Variants in FLT3 observed in about 807,000 individuals in gnomAD.
FLT3 encodes the protein receptor-type tyrosine-protein kinase FLT3.
Under a neutral mutation model 126.6 loss-of-function variants are expected in FLT3, and 46 were observed. That is an observed-to-expected ratio of 0.36 (90% CI 0.29 to 0.46). FLT3 has a LOEUF of 0.46. Among genes scored for constraint, FLT3 ranks in the 20% least tolerant of loss-of-function variants. The pLI is 1.00. For synonymous variants in FLT3, 404 were observed against 434.4 expected, an observed-to-expected ratio of 0.93 and a Z score of 0.87; for missense variants, 1,069 against 1,190.3, an observed-to-expected ratio of 0.90 and a Z score of 1.50.
At chr13:28,013,130 T>C (rs182787941) in intron 23 of FLT3, among the ~76,000 whole-genome samples, 1 of 152,276 alleles carries the variant, frequency 6.6e-6, no homozygotes, top group Non-Finnish European at 1.5e-5. Context: ...TTTGACCTAA[T>C]TCTCTGACAA....
chr13:28,047,461 G>A (rs978256546), intron 9 of FLT3, among the ~76,000 whole-genome samples: 3 of 152,274 alleles, frequency 2.0e-5, no homozygotes, highest in African/African-American at 4.8e-5. Flanking sequence ...TGTAATCCCA[G>A]CACTTTGGGA....
chr13:28,095,909 A>G (rs1486173707), intron 1 of FLT3, among the ~76,000 whole-genome samples: 2 of 152,158 alleles, frequency 1.3e-5, no homozygotes, highest in Non-Finnish European at 2.9e-5. Context: ...TGTGGTCAAT[A>G]CCTTTGCTTA....
chr13:28,055,966 G>T (rs564248987), intron 4 of FLT3, among the ~76,000 whole-genome samples: 69 of 152,254 alleles, frequency 4.5e-4, no homozygotes, highest in African/African-American at 1.6e-3. Context: ...GAGCTTGTAG[G>T]GCTCTGGTCC....
intron 18 of FLT3, among the ~76,000 whole-genome samples, chr13:28,023,869 G>A (rs1409899087): frequency 6.6e-6 from 1 of 151,772 alleles, no homozygotes; most frequent in African/African-American, 2.4e-5. Flanking sequence ...ATCTTGGCCT[G>A]CTGCAACTGG....
chr13:28,048,331 C>G lies in FLT3; in HGVS notation c.1149G>C (p.Trp383Cys), dbSNP rs1041412646. 4 of 1,613,842 alleles carry G rather than the reference C, an allele frequency of 2.5e-6. No homozygotes were observed. In the African/African-American group the frequency reaches 4.0e-5, roughly 16 times the overall value. The change falls in exon 9 of 24, where the codon TGG becomes TGC. Residue 383 changes from tryptophan to cysteine, a missense_variant. Coordinates refer to ENST00000241453, the MANE Select transcript of FLT3 (RefSeq NM_004119.3). ...FKAYPQIRCT[W>C]TFSRKSFPCE... ...AAGGAAATGATTTTCGAGAGAAGGT[C>G]CACGTACATCTGATTTGTGGGTAGG...
In FLT3 at chr13:28,015,966, C is replaced by T. The variant is rs1330082559; in HGVS notation, c.2542-265G>A. On this transcript the variant is annotated intron_variant, in intron 20 of 23. Coordinates refer to ENST00000241453, the MANE Select transcript of FLT3 (RefSeq NM_004119.3). ...TGGGTAAGTTTAACTTGCCATCTTT[C>T]CACTGGAAAGAGGTACTTTCCATTA... is the stretch of plus-strand genomic sequence containing the variant. Among the ~76,000 whole-genome samples the T allele has an allele frequency of 3.9e-5, 6 of 152,108 alleles. No homozygotes were observed. In the East Asian group the frequency reaches 1.2e-3, roughly 29 times the overall value.
intron 2 of FLT3, chr13:28,067,635 G>T (rs950123599): frequency 1.3e-5 from 2 of 152,534 alleles, no homozygotes; most frequent in Admixed American, 1.3e-4. Flanking sequence ...TAATAACACT[G>T]AAATTCAGTC....
rs59718306 is a variant in FLT3, at chr13:28,062,743, C to CAA, written c.166-676_166-675dup. On this transcript the variant is annotated intron_variant, in intron 2 of 23. Coordinates refer to ENST00000241453, the MANE Select transcript of FLT3 (RefSeq NM_004119.3). ...TGGGCAACAGAGTGAAACTCTGTCT[C>CAA]AAAAAAAAAAAAAAAAGAGGAGATT... Among the ~76,000 whole-genome samples, 34 of 89,994 alleles carry CAA rather than the reference C, an allele frequency of 3.8e-4. 3 individuals are homozygous for CAA. The highest frequency in any genetic ancestry group is 9.1e-4 in the African/African-American group (19 of 20,952). The allele number at this position is 89,994 out of a possible 152,430, so 59.0% of individuals were successfully genotyped here.
At chr13:28,087,201 C>G (rs1878731661) in intron 1 of FLT3, among the ~76,000 whole-genome samples, 1 of 151,994 alleles carries the variant, frequency 6.6e-6, no homozygotes. Flanking sequence ...TCTGAAGTAG[C>G]TTTGACTACA....
intron 23 of FLT3, among the ~76,000 whole-genome samples, chr13:28,011,553 C>CCA (rs1871364114): frequency 2.0e-5 from 3 of 149,804 alleles, no homozygotes; most frequent in African/African-American, 7.3e-5. Context: ...TGGCTGAGAC[C>CCA]CACGCCAAGC....
rs35797346 is a variant in FLT3, at chr13:28,086,619, CGTGTGTGTGTGTGT to C, written c.43+13835_43+13848del. 4.6e-4 allele frequency among the ~76,000 whole-genome samples: 62 copies of C among 134,834 alleles called. No homozygotes were observed. The East Asian group carries it at 9.4e-3, about 20-fold the overall frequency. 88.5% of individuals were successfully genotyped at this position (134,834 alleles called of 152,430 possible). A position where few individuals can be genotyped will look rare whatever the true frequency, so the allele number is the denominator to read the frequency against. On this transcript the variant is annotated intron_variant, in intron 1 of 23. Transcript: ENST00000241453. ...TATTTTTCCTTCTGTCTGAAGAACT[CGTGTGTGTGTGTGT>C]GTGTGTGTGTGTGTGTGTGTGTGTG...
rs151316333 is a variant in FLT3 at position 28,059,092 on chromosome 13, C to T, written c.369-1630G>A. Reference sequence around the variant, plus strand: ...GCAAAAGAGGAAAGGAAAATGAATGCGTTCCAAGATTTAGAACTCAACTTC... The same window carrying T: ...GCAAAAGAGGAAAGGAAAATGAATGTGTTCCAAGATTTAGAACTCAACTTC... On this transcript the variant is annotated intron_variant, in intron 3 of 23. Coordinates refer to ENST00000241453, the MANE Select transcript of FLT3 (RefSeq NM_004119.3). Among the ~76,000 whole-genome samples the T allele has an allele frequency of 1.3e-3, 194 of 152,308 alleles. 2 individuals carry two copies. Among genetic ancestry groups the T allele is most frequent in the African/African-American group, 4.2e-3 (175 of 41,578 alleles).
chr13:28,029,203 C>T (rs1873092843), intron 15 of FLT3, among the ~76,000 whole-genome samples: 1 of 152,156 alleles, frequency 6.6e-6, no homozygotes, highest in Non-Finnish European at 1.5e-5. Flanking sequence ...CCAACCTGGC[C>T]AACATGGTGA....
intron 10 of FLT3, among the ~76,000 whole-genome samples, chr13:28,036,515 T>C: frequency 6.6e-6 from 1 of 152,222 alleles, no homozygotes; most frequent in East Asian, 1.9e-4. Context: ...CATTGTTTTA[T>C]AAGCCAAAGA....
chr13:28,091,253 GCT>G (rs1236375244), intron 1 of FLT3, among the ~76,000 whole-genome samples: 3 of 101,258 alleles, frequency 3.0e-5, no homozygotes, highest in African/African-American at 4.2e-5. Flanking sequence ...ACGGAGTCTC[GCT>G]CTGTCGCCCA....
chr13:28,052,001 G>T (rs1465257351), intron 5 of FLT3, among the ~76,000 whole-genome samples: 1 of 151,822 alleles, frequency 6.6e-6, no homozygotes, highest in East Asian at 1.9e-4. Context: ...GATTTGAGGG[G>T]TTCCAAAAAG....
intron 1 of FLT3, among the ~76,000 whole-genome samples, chr13:28,091,868 G>C (rs934156679): frequency 6.6e-6 from 1 of 152,024 alleles, no homozygotes; most frequent in Non-Finnish European, 1.5e-5. Context: ...TCAGGAGTTC[G>C]AAACCAGCCT....
At chr13:28,015,836 C>A in intron 20 of FLT3, 135 bp from the exon 21 acceptor site, 1 of 626,464 alleles carries the variant, frequency 1.6e-6, no homozygotes, top group Non-Finnish European at 2.8e-6. Flanking sequence ...TCACATTCCT[C>A]ACGTGAAAGG....
At chr13:28,014,642 T>C in intron 22 of FLT3, 85 bp from the exon 23 acceptor site, 1 of 914,376 alleles carries the variant, frequency 1.1e-6, no homozygotes, top group Non-Finnish European at 1.7e-6. Context: ...AAGCACCATT[T>C]ATTCCTCTGG....
Sources: allele counts gnomAD v4.1 joint callset (sites outside exome capture counted in the v4.1 genomes callset), GRCh38; gene constraint gnomAD v4.1.1; transcripts MANE v1.5; gene names NCBI Gene and HGNC (gene_info 2026-07-23, HGNC 2026-07-21).